ZFYVE9: variants seen among roughly 807,000 people sequenced by gnomAD.
ZFYVE9 encodes the protein zinc finger FYVE-type containing 9, also known as zinc finger FYVE domain-containing protein 9.
In ZFYVE9, 43 loss-of-function variants were observed where a neutral mutation model predicts 126.7. The ratio of observed to expected loss-of-function variants is 0.34; its 90% CI spans 0.27 to 0.44. The LOEUF (loss-of-function observed/expected upper bound fraction) is 0.44, where lower values mean the gene tolerates loss of function less well. Ranked by LOEUF, ZFYVE9 falls within the 20% of genes least tolerant of loss-of-function variation. ZFYVE9 has a pLI of 1.00. For missense variants in ZFYVE9, 1,476 were observed against 1,697.0 expected, an observed-to-expected ratio of 0.87 and a Z score of 2.29; for synonymous variants, 521 against 597.4, an observed-to-expected ratio of 0.87 and a Z score of 1.87.
intron 10 of ZFYVE9, 59 bp downstream of exon 10, chr1:52,281,875 T>G: frequency 6.3e-7 from 1 of 1,594,290 alleles, no homozygotes; most frequent in Non-Finnish European, 8.6e-7. Flanking sequence ...AATTTTGAAT[T>G]CAAATACAAA....
chr1:52,215,779 T>C (rs1055736025), intron 1 of ZFYVE9, among the ~76,000 whole-genome samples: 6 of 152,186 alleles, frequency 3.9e-5, no homozygotes, highest in African/African-American at 1.4e-4. Flanking sequence ...GGAAGCAATA[T>C]TTGAAGAGCC....
In ZFYVE9 at chr1:52,258,753, C is replaced by G. The variant is rs528032126; in HGVS notation, c.2179-5020C>G. On this transcript the variant is annotated intron_variant, in intron 4 of 18. Coordinates refer to ENST00000287727, the MANE Select transcript of ZFYVE9 (RefSeq NM_004799.4). The stretch of plus-strand genomic sequence containing the variant: ...TGGCGTTGAAGAGTCATCTACTTTT[C>G]TAGCTAACTCCTGTGCTTTCCTCTA... 2.6e-5 allele frequency among the ~76,000 whole-genome samples: 4 copies of G among 152,278 alleles called. No individual in the cohort carries two copies. In the South Asian group the frequency reaches 8.3e-4, roughly 32 times the overall value.
intron 9 of ZFYVE9, among the ~76,000 whole-genome samples, chr1:52,279,703 G>A (rs770606544): frequency 8.6e-5 from 13 of 152,042 alleles, no homozygotes; most frequent in Non-Finnish European, 1.5e-4. Flanking sequence ...TCCTGAACTC[G>A]AGTGATCTGC....
chr1:52,168,912 C>A (rs1644538613), intron 1 of ZFYVE9, among the ~76,000 whole-genome samples: 1 of 152,100 alleles, frequency 6.6e-6, no homozygotes, highest in Admixed American at 6.6e-5. Flanking sequence ...AAATAAGTGG[C>A]AGTTGGCCGA....
intron 4 of ZFYVE9, among the ~76,000 whole-genome samples, chr1:52,240,495 G>T (rs1434673176): frequency 6.6e-6 from 1 of 152,012 alleles, no homozygotes; most frequent in African/African-American, 2.4e-5. Flanking sequence ...TGATTTTTTG[G>T]TCCATCTGTA....
At chr1:52,289,986 C>T (rs1645902301) in intron 10 of ZFYVE9, among the ~76,000 whole-genome samples, 1 of 152,096 alleles carries the variant, frequency 6.6e-6, no homozygotes, top group Admixed American at 6.6e-5. Flanking sequence ...GAGTACTAAG[C>T]CAACATATTT....
At chr1:52,343,504 G>A (rs1471850019) in intron 17 of ZFYVE9, among the ~76,000 whole-genome samples, 2 of 146,630 alleles carry the variant, frequency 1.4e-5, no homozygotes, top group Non-Finnish European at 3.0e-5. Flanking sequence ...ACCTGTAATC[G>A]TAGCACTTTG....
intron 13 of ZFYVE9, among the ~76,000 whole-genome samples, chr1:52,324,235 C>CAAGA (rs966490158): frequency 6.9e-6 from 1 of 145,062 alleles, no homozygotes; most frequent in Non-Finnish European, 1.5e-5. Context: ...GGCAACAGAA[C>CAAGA]AAGACCCTGT....
chr1:52,199,847 T>G (rs958252897), intron 1 of ZFYVE9, among the ~76,000 whole-genome samples: 5 of 152,200 alleles, frequency 3.3e-5, no homozygotes, highest in Admixed American at 2.0e-4. Context: ...CATTTGGTGG[T>G]GTCAGTGTTT....
intron 4 of ZFYVE9, among the ~76,000 whole-genome samples, chr1:52,259,940 A>G (rs1645562871): frequency 6.6e-6 from 1 of 152,202 alleles, no homozygotes; most frequent in Non-Finnish European, 1.5e-5. Context: ...GGTATACTGC[A>G]GTTTAATTAG....
intron 13 of ZFYVE9, among the ~76,000 whole-genome samples, chr1:52,322,702 A>G (rs1053067198): frequency 1.3e-5 from 2 of 151,158 alleles, no homozygotes; most frequent in South Asian, 2.1e-4. Context: ...AAGTCATATC[A>G]TATCACTCCT....
chr1:52,335,620 G>T (rs1646381220), intron 15 of ZFYVE9, among the ~76,000 whole-genome samples: 1 of 152,110 alleles, frequency 6.6e-6, no homozygotes, highest in Non-Finnish European at 1.5e-5. Flanking sequence ...ATTGCCTTTT[G>T]TGACCCACCC....
intron 2 of ZFYVE9, among the ~76,000 whole-genome samples, chr1:52,219,749 T>TGTG (rs1431955734): frequency 1.6e-4 from 18 of 113,274 alleles, no homozygotes; most frequent in African/African-American, 2.8e-4. Context: ...CCAAGATCTT[T>TGTG]TGTGTGTGTG....
At chr1:52,311,301 G>A (rs1646135082) in intron 13 of ZFYVE9, among the ~76,000 whole-genome samples, 1 of 116,462 alleles carries the variant, frequency 8.6e-6, no homozygotes, top group African/African-American at 3.3e-5. Flanking sequence ...TTTCACTCTT[G>A]TCACCCAGGC....
At position 52,238,459 on chromosome 1, in the gene ZFYVE9, G is replaced by A. The variant is rs745950766; in HGVS notation, c.1042G>A (p.Gly348Arg). 5.0e-6 allele frequency: 8 copies of A among 1,613,974 alleles called. No individual in the cohort carries two copies. Among genetic ancestry groups the A allele is most frequent in the Non-Finnish European group, 6.8e-6 (8 of 1,179,978 alleles). Reference sequence around the variant, plus strand: ...GCTTCTCAAACCAGACATGCCTAATGGGTCTGGAAGGAATAATGACTGTGA... The same window carrying A: ...GCTTCTCAAACCAGACATGCCTAATAGGTCTGGAAGGAATAATGACTGTGA... ...PLLLKPDMPN[G>R]SGRNNDCERC... The change falls in exon 4 of 19, where the codon GGG becomes AGG. Residue 348 changes from glycine to arginine, a missense_variant. Gly to Arg is a moderately radical substitution (Grantham distance 125, BLOSUM62 -2). Coordinates refer to ENST00000287727, the MANE Select transcript of ZFYVE9 (RefSeq NM_004799.4).
chr1:52,284,090 A>G (rs1452309460), intron 10 of ZFYVE9, among the ~76,000 whole-genome samples: 3 of 151,796 alleles, frequency 2.0e-5, no homozygotes, highest in Non-Finnish European at 4.4e-5. Flanking sequence ...ACCTAAGTGT[A>G]TGTTGGTCTT....
chr1:52,198,501 A>T (rs1373803217), intron 1 of ZFYVE9, among the ~76,000 whole-genome samples: 2 of 152,124 alleles, frequency 1.3e-5, no homozygotes, highest in African/African-American at 4.8e-5. Flanking sequence ...TTCAAATTTG[A>T]TGTGGTTAAA....
chr1:52,173,432 A>G (rs1041462335), intron 1 of ZFYVE9, among the ~76,000 whole-genome samples: 4 of 152,202 alleles, frequency 2.6e-5, no homozygotes, highest in Admixed American at 6.5e-5. Context: ...TTTTGCATCA[A>G]TGTTCATCAA....
chr1:52,335,904 G>A (rs1297382653), intron 15 of ZFYVE9, among the ~76,000 whole-genome samples: 3 of 152,050 alleles, frequency 2.0e-5, no homozygotes, highest in Non-Finnish European at 4.4e-5. Context: ...GAGGCCGAGG[G>A]GGGCAGATCA....
Sources: allele counts gnomAD v4.1 joint callset (sites outside exome capture counted in the v4.1 genomes callset), GRCh38; gene constraint gnomAD v4.1.1; transcripts MANE v1.5; gene names NCBI Gene and HGNC (gene_info 2026-07-23, HGNC 2026-07-21).